CTCF: variants seen among roughly 807,000 people sequenced by gnomAD.
CTCF encodes the protein transcriptional repressor CTCF.
A neutral mutation model predicts 72.3 loss-of-function variants in CTCF; 7 were observed. The ratio of observed to expected loss-of-function variants is 0.10; its 90% CI spans 0.06 to 0.18. The LOEUF (loss-of-function observed/expected upper bound fraction) is 0.18, where lower values mean the gene tolerates loss of function less well. CTCF is among the 10% of genes least tolerant of loss of function. The pLI is 1.00. For synonymous variants in CTCF, 374 were observed against 315.8 expected, an observed-to-expected ratio of 1.18 and a Z score of -1.95; for missense variants, 516 against 949.1, an observed-to-expected ratio of 0.54 and a Z score of 6.00.
At chr16:67,598,946 TAAGG>T (rs2051850925) in intron 2 of CTCF, among the ~76,000 whole-genome samples, 1 of 152,066 alleles carries the variant, frequency 6.6e-6, no homozygotes, top group Non-Finnish European at 1.5e-5. Flanking sequence ...GAGTGGAAAG[TAAGG>T]AAAGAATTAG....
chr16:67,619,443 AC>A (rs899352917), intron 5 of CTCF, among the ~76,000 whole-genome samples: 2 of 152,178 alleles, frequency 1.3e-5, no homozygotes, highest in African/African-American at 4.8e-5. Flanking sequence ...CTCAAAAAAA[AC>A]CAAAAAAAAC....
intron 2 of CTCF, among the ~76,000 whole-genome samples, 159 bp downstream of exon 2, chr16:67,571,423 CTT>C (rs2051418145): frequency 6.6e-6 from 1 of 152,166 alleles, no homozygotes; most frequent in African/African-American, 2.4e-5. Context: ...GTTTGAAACT[CTT>C]TACGATGATA....
intron 2 of CTCF, among the ~76,000 whole-genome samples, chr16:67,583,609 C>G (rs925144862): frequency 6.6e-6 from 1 of 151,898 alleles, no homozygotes; most frequent in Non-Finnish European, 1.5e-5. Flanking sequence ...ATCACTTGAA[C>G]CTGGAAGGTG....
At chr16:67,607,291 A>G (rs1208619844) in intron 2 of CTCF, among the ~76,000 whole-genome samples, 1 of 149,434 alleles carries the variant, frequency 6.7e-6, no homozygotes, top group African/African-American at 2.5e-5. Flanking sequence ...TGTCATTCAC[A>G]AGATTTTTGT....
At chr16:67,593,173 C>T (rs2051768913) in intron 2 of CTCF, among the ~76,000 whole-genome samples, 1 of 151,458 alleles carries the variant, frequency 6.6e-6, no homozygotes, top group Non-Finnish European at 1.5e-5. Context: ...CTTCTGTTCT[C>T]TTAAAATTTT....
chr16:67,565,041 C>T (rs1054668406), intron 1 of CTCF, among the ~76,000 whole-genome samples: 3 of 151,970 alleles, frequency 2.0e-5, no homozygotes, highest in African/African-American at 7.2e-5. Flanking sequence ...CGTTCTGTCC[C>T]CTAGGCTGGA....
Position 67,611,306 on chromosome 16 carries a change from A to C in CTCF, c.474A>C (p.Leu158=). 6.2e-7 allele frequency: 1 copy of C among 1,614,038 alleles called. No homozygotes were observed. The highest frequency in any genetic ancestry group is 8.5e-7 in the Non-Finnish European group (1 of 1,179,992). ...GTGAACCCATGATATGCCACACCCT[A>C]CCTTTGCCTGAAGGGTTTCAGGTGG... ...AESEPMICHT[L]PLPEGFQVVK... is the part of the protein sequence containing the mutation. Residue 158 remains leucine, a synonymous_variant, in exon 3 of 12, where the codon CTA becomes CTC. Coordinates refer to ENST00000264010, the MANE Select transcript of CTCF (RefSeq NM_006565.4).
At chr16:67,578,409 T>C (rs1235746202) in intron 2 of CTCF, among the ~76,000 whole-genome samples, 1 of 146,902 alleles carries the variant, frequency 6.8e-6, no homozygotes, top group Non-Finnish European at 1.5e-5. Flanking sequence ...CTTGGCTCAC[T>C]GCAACCTCTA....
At chr16:67,621,290 A>G (rs1443578088) in intron 6 of CTCF, 152 bp from the exon 7 acceptor site, 1 of 591,670 alleles carries the variant, frequency 1.7e-6, no homozygotes, top group African/African-American at 1.8e-5. Flanking sequence ...ATCTGAAGAT[A>G]GACAAGATCC....
chr16:67,605,275 A>C (rs2051959579), intron 2 of CTCF, among the ~76,000 whole-genome samples: 1 of 152,032 alleles, frequency 6.6e-6, no homozygotes, highest in Admixed American at 6.6e-5. Context: ...GCTTGGCCTA[A>C]ATGACATCTT....
At chr16:67,598,399 A>G (rs1041350980) in intron 2 of CTCF, among the ~76,000 whole-genome samples, 2 of 152,214 alleles carry the variant, frequency 1.3e-5, no homozygotes, top group Non-Finnish European at 2.9e-5. Flanking sequence ...TTGTATATAC[A>G]CTTTCAAGTT....
intron 2 of CTCF, among the ~76,000 whole-genome samples, chr16:67,579,767 C>T (rs985242491): frequency 5.3e-5 from 8 of 152,080 alleles, no homozygotes; most frequent in Admixed American, 3.9e-4. Flanking sequence ...TCTTTAGGCT[C>T]GTGTACTAGT....
intron 2 of CTCF, among the ~76,000 whole-genome samples, chr16:67,587,413 T>C (rs1357385833): frequency 6.6e-6 from 1 of 152,206 alleles, no homozygotes; most frequent in East Asian, 1.9e-4. Flanking sequence ...AAATAAAAGT[T>C]GTCTTGGTTT....
intron 4 of CTCF, 128 bp downstream of exon 4, chr16:67,612,249 A>G (rs2052070907): frequency 1.2e-6 from 1 of 819,286 alleles, no homozygotes; most frequent in South Asian, 2.1e-5. Context: ...CCCTTTTTGT[A>G]ATCATGATTT....
At chr16:67,635,861 A>C (rs1177406025) in intron 10 of CTCF, among the ~76,000 whole-genome samples, 1 of 151,932 alleles carries the variant, frequency 6.6e-6, no homozygotes, top group African/African-American at 2.4e-5. Context: ...CCTGAACATG[A>C]GTGATCCTCC....
intron 2 of CTCF, among the ~76,000 whole-genome samples, chr16:67,578,325 C>CTTTTTTTTTTTTTTT: frequency 1.2e-5 from 1 of 84,480 alleles, no homozygotes; most frequent in Non-Finnish European, 2.2e-5. Context: ...GTTTATGTAT[C>CTTTTTTTTTTTTTTT]TTTTTTTTTT....
At chr16:67,596,482 T>C (rs2051816760) in intron 2 of CTCF, among the ~76,000 whole-genome samples, 1 of 152,176 alleles carries the variant, frequency 6.6e-6, no homozygotes, top group African/African-American at 2.4e-5. Context: ...GGTTAATCCA[T>C]TGTCATAGAT....
At chr16:67,565,093 C>T (rs1303145390) in intron 1 of CTCF, among the ~76,000 whole-genome samples, 2 of 151,868 alleles carry the variant, frequency 1.3e-5, no homozygotes, top group African/African-American at 4.8e-5. Context: ...CCTCTGCCTC[C>T]CGGATTCAAG....
intron 2 of CTCF, among the ~76,000 whole-genome samples, chr16:67,595,349 C>G (rs753801500): frequency 1.3e-5 from 2 of 152,030 alleles, no homozygotes; most frequent in African/African-American, 2.4e-5. Flanking sequence ...TACTCTTTCT[C>G]CTTCATTCCT....
Sources: allele counts gnomAD v4.1 joint callset (sites outside exome capture counted in the v4.1 genomes callset), GRCh38; gene constraint gnomAD v4.1.1; transcripts MANE v1.5; gene names NCBI Gene and HGNC (gene_info 2026-07-23, HGNC 2026-07-21).